TRRAP: variants seen among roughly 807,000 people sequenced by gnomAD.
The protein encoded by TRRAP is transformation/transcription domain associated protein, also known as transformation/transcription domain-associated protein.
Under a neutral mutation model 438.8 loss-of-function variants are expected in TRRAP, and 41 were observed. That is an observed-to-expected ratio of 0.09 (90% CI 0.07 to 0.12). The LOEUF is 0.12. Ranked by LOEUF, TRRAP falls within the 10% of genes least tolerant of loss-of-function variation. The pLI is 1.00. For synonymous variants in TRRAP, 1,994 were observed against 1,962.9 expected (o/e 1.02, Z -0.42); for missense variants, 3,122 against 5,055.1 (o/e 0.62, Z 11.60).
chr7:98,960,242 C>T (rs1357050614), intron 45 of TRRAP, among the ~76,000 whole-genome samples: 1 of 152,156 alleles, frequency 6.6e-6, no homozygotes, highest in East Asian at 1.9e-4. Flanking sequence ...TGCTAATTAT[C>T]TTATTTTGGT....
At chr7:98,961,076 GTTAT>G (rs1170158047) in intron 45 of TRRAP, among the ~76,000 whole-genome samples, 181 bp from the exon 46 acceptor site, 5 of 152,132 alleles carry the variant, frequency 3.3e-5, no homozygotes, top group East Asian at 3.8e-4. Context: ...AGTTTGAGTA[GTTAT>G]TTAAAGTGAT....
Position 98,948,282 on chromosome 7 carries a change from C to T in TRRAP, c.4610C>T (p.Thr1537Ile). 6.2e-7 allele frequency: 1 copy of T among 1,614,216 alleles called. No individual in the cohort carries two copies. The highest frequency in any genetic ancestry group is 8.5e-7 in the Non-Finnish European group (1 of 1,180,050). Residue 1537 changes from threonine (T) to isoleucine (I), a missense_variant, in exon 34 of 73, where the codon ACA becomes ATA. By Grantham distance (89) the Thr-to-Ile change is moderately conservative (BLOSUM62 -1). Around this residue, in one of 24 missense-constraint regions of TRRAP, gnomAD observed 108 missense variants for 256.9 expected, o/e 0.42. Coordinates refer to ENST00000456197, the MANE Select transcript of TRRAP (RefSeq NM_001375524.1). The surrounding 1 kb of genome is among the most constrained non-coding windows in gnomAD (Gnocchi z 4.9). Reference protein sequence around the residue: ...LFHLIPAAPQTLVKPLLEVVM... With the variant: ...LFHLIPAAPQILVKPLLEVVM... ...CATCTGATCCCGGCTGCTCCTCAGA[C>T]ACTGGTGAAGCCTTTGCTAGAGGTT...
chr7:98,947,671 G>A (rs1000986801), intron 33 of TRRAP, among the ~76,000 whole-genome samples: 20 of 152,150 alleles, frequency 1.3e-4, no homozygotes, highest in Non-Finnish European at 2.8e-4. Context: ...GGCCAGGCTG[G>A]TCTCGAACTC....
chr7:98,924,054 A>G (rs1789924981), intron 21 of TRRAP, among the ~76,000 whole-genome samples: 2 of 152,220 alleles, frequency 1.3e-5, no homozygotes, highest in African/African-American at 4.8e-5. Context: ...GCCATCTTTC[A>G]GTTTTGAACC....
intron 19 of TRRAP, among the ~76,000 whole-genome samples, chr7:98,916,253 C>T (rs1313885950): frequency 1.3e-5 from 2 of 151,762 alleles, no homozygotes; most frequent in African/African-American, 4.8e-5. Context: ...AGAATCAGAA[C>T]AAAAAAAGAA....
chr7:98,967,393 A>C (rs1792203772), intron 50 of TRRAP, 92 bp from the exon 51 acceptor site: 4 of 1,449,500 alleles, frequency 2.8e-6, no homozygotes, highest in Non-Finnish European at 3.8e-6. Context: ...GTGGCATTTC[A>C]GCAAGTTCAC....
At chr7:98,940,090 G>C (rs1790731884) in intron 30 of TRRAP, among the ~76,000 whole-genome samples, 1 of 151,828 alleles carries the variant, frequency 6.6e-6, no homozygotes. Flanking sequence ...CACCGTGTTG[G>C]CCAGGCTGGT....
At chr7:98,988,699 T>G (rs1939176100) in intron 62 of TRRAP, 66 bp from the exon 63 acceptor site, 3 of 1,560,936 alleles carry the variant, frequency 1.9e-6, no homozygotes, top group Non-Finnish European at 2.6e-6. Context: ...AATGGTTAAT[T>G]TCAGATTACG....
chr7:98,927,670 C>G (rs1790114403), intron 23 of TRRAP, among the ~76,000 whole-genome samples: 1 of 152,150 alleles, frequency 6.6e-6, no homozygotes, highest in South Asian at 2.1e-4. Context: ...TGTGTTCATA[C>G]TCACTGCTCA....
At chr7:98,920,544 G>C (rs1034273084) in intron 20 of TRRAP, among the ~76,000 whole-genome samples, 4 of 151,856 alleles carry the variant, frequency 2.6e-5, no homozygotes, top group African/African-American at 4.8e-5. Context: ...TGATAATTCA[G>C]ACAAAAAATG....
chr7:98,946,575 C>CGCACACACCACATAT (rs1791078888), intron 33 of TRRAP, among the ~76,000 whole-genome samples: 1 of 146,206 alleles, frequency 6.8e-6, no homozygotes, highest in Non-Finnish European at 1.5e-5. Context: ...ACACCACACG[C>CGCACACACCACATAT]GCACACACCA....
At chr7:98,892,589 T>C in intron 5 of TRRAP, 61 bp downstream of exon 5, 3 of 1,367,518 alleles carry the variant, frequency 2.2e-6, no homozygotes, top group Non-Finnish European at 3.0e-6. Context: ...CTGATTTTTC[T>C]TATGGTAAAT....
At chr7:98,943,640 G>A (rs1465951502) in intron 31 of TRRAP, among the ~76,000 whole-genome samples, 1 of 152,198 alleles carries the variant, frequency 6.6e-6, no homozygotes, top group Non-Finnish European at 1.5e-5. Flanking sequence ...AGTGTCTATT[G>A]TGGGTCATTA....
At chr7:98,895,649 C>T in intron 6 of TRRAP, 115 bp from the exon 7 acceptor site, 1 of 760,740 alleles carries the variant, frequency 1.3e-6, no homozygotes, top group Non-Finnish European at 2.0e-6. Context: ...CCACCATTTT[C>T]CTTACCTCTC....
chr7:98,922,298 G>A (rs974180519), intron 21 of TRRAP, among the ~76,000 whole-genome samples: 4 of 152,172 alleles, frequency 2.6e-5, no homozygotes, highest in African/African-American at 7.2e-5. Flanking sequence ...GCAGTGCCTC[G>A]CTTTCTCCCA....
chr7:98,925,089 G>A (rs781898467), intron 21 of TRRAP, 23 bp from the exon 22 acceptor site: 1 of 1,594,080 alleles, frequency 6.3e-7, no homozygotes, highest in Admixed American at 1.8e-5. Flanking sequence ...ACAAACTGTA[G>A]TTTCTTTGTG....
At position 98,994,458 on chromosome 7, in the gene TRRAP, G is replaced by A; in HGVS notation, c.10048-129G>A. On this transcript the variant is annotated intron_variant, in intron 66 of 72. Coordinates refer to ENST00000456197, the MANE Select transcript of TRRAP (RefSeq NM_001375524.1). The surrounding 1 kb of genome is among the most constrained non-coding windows in gnomAD (Gnocchi z 4.8). ...CACACGCCGATTTCATGCCTGCTGTGTGTGGGTCCTGCCGGGGAGTGCAGA... is the reference window on the plus strand; with the variant it reads ...CACACGCCGATTTCATGCCTGCTGTATGTGGGTCCTGCCGGGGAGTGCAGA... 2 of 1,339,974 alleles carry A rather than the reference G, an allele frequency of 1.5e-6. No individual in the cohort carries two copies. Among genetic ancestry groups the A allele is most frequent in the South Asian group, 2.7e-5 (2 of 72,962 alleles). 83.0% of individuals were successfully genotyped at this position (1,339,974 alleles called of 1,614,324 possible).
rs1476695425 is a variant in TRRAP at position 98,950,292 on chromosome 7, T to C, written c.5334+30T>C. On this transcript the variant is annotated intron_variant, in intron 38 of 72. Coordinates refer to ENST00000456197, the MANE Select transcript of TRRAP (RefSeq NM_001375524.1). Reference sequence around the variant, plus strand: ...GTCCCACTCTTATGCTGTAGAAGGGTATGGGTATTTGGTCTGGTTTTCTAG... The same window carrying C: ...GTCCCACTCTTATGCTGTAGAAGGGCATGGGTATTTGGTCTGGTTTTCTAG... The C allele has an allele frequency of 2.5e-6, 4 of 1,610,752 alleles. No individual in the cohort carries two copies. In the East Asian group the frequency reaches 8.9e-5, roughly 36 times the overall value.
intron 70 of TRRAP, among the ~76,000 whole-genome samples, chr7:99,009,950 C>T (rs1483837022): frequency 2.8e-5 from 4 of 144,182 alleles, no homozygotes; most frequent in South Asian, 2.1e-4. Context: ...TGCAATGGCG[C>T]GATCTCGGCT....
Sources: allele counts gnomAD v4.1 joint callset (sites outside exome capture counted in the v4.1 genomes callset), GRCh38; gene constraint gnomAD v4.1.1; regional missense constraint gnomAD v4.1.1; non-coding constraint Gnocchi (gnomAD v3.1); transcripts MANE v1.5; gene names NCBI Gene and HGNC (gene_info 2026-07-23, HGNC 2026-07-21).